CFAP44: variants seen among roughly 807,000 people sequenced by gnomAD.
CFAP44 encodes the protein cilia and flagella associated protein 44.
Under a neutral mutation model 216.2 loss-of-function variants are expected in CFAP44, and 134 were observed. The ratio of observed to expected loss-of-function variants is 0.62; its 90% CI spans 0.54 to 0.72. The LOEUF (loss-of-function observed/expected upper bound fraction) is 0.72, where lower values mean the gene tolerates loss of function less well. Among genes scored for constraint, CFAP44 ranks in the 30% least tolerant of loss-of-function variants. The pLI is 0.00. For synonymous variants in CFAP44, 700 were observed against 727.6 expected, an observed-to-expected ratio of 0.96 and a Z score of 0.61; for missense variants, 2,035 against 2,182.1, an observed-to-expected ratio of 0.93 and a Z score of 1.34.
intron 32 of CFAP44, among the ~76,000 whole-genome samples, chr3:113,300,811 T>C (rs944110570): frequency 3.3e-5 from 5 of 152,144 alleles, no homozygotes; most frequent in Admixed American, 2.6e-4. Context: ...ACTTTATACT[T>C]TCCAGTTTGG....
chr3:113,310,138 T>C (rs374192691), intron 28 of CFAP44, among the ~76,000 whole-genome samples: 1 of 152,180 alleles, frequency 6.6e-6, no homozygotes, highest in Non-Finnish European at 1.5e-5. Flanking sequence ...AGTACATTTA[T>C]TCATGCTGGC....
rs1932937551 is a variant in CFAP44, at chr3:113,366,376, T to C, written c.2445-67A>G. The C allele has an allele frequency of 2.0e-6, 3 of 1,534,678 alleles. No individual in the cohort carries two copies. In the Admixed American group the frequency reaches 5.8e-5, roughly 29 times the overall value. On this transcript the variant is annotated intron_variant, in intron 18 of 34. Transcript: ENST00000393845. ...AAAATAATGCTTAATTTCAACTTAA[T>C]TGACAAGTGGCTAAATTAATAACAA...
intron 6 of CFAP44, 143 bp from the exon 7 acceptor site, chr3:113,409,465 C>G (rs1258823058): frequency 7.1e-6 from 5 of 706,694 alleles, no homozygotes; most frequent in Non-Finnish European, 1.2e-5. Context: ...CAAAAACATT[C>G]TCCATCTTTG....
At chr3:113,370,877 C>T (rs947602771) in intron 18 of CFAP44, among the ~76,000 whole-genome samples, 4 of 152,052 alleles carry the variant, frequency 2.6e-5, no homozygotes, top group African/African-American at 9.7e-5. Context: ...ACAACTTCGG[C>T]AAAGTCTCAG....
intron 28 of CFAP44, among the ~76,000 whole-genome samples, chr3:113,317,072 G>A (rs918160117): frequency 6.6e-6 from 1 of 152,146 alleles, no homozygotes; most frequent in Non-Finnish European, 1.5e-5. Flanking sequence ...AACCCTGAAC[G>A]GGGTAACCAA....
At chr3:113,377,408 T>G (rs569309911) in intron 17 of CFAP44, among the ~76,000 whole-genome samples, 2 of 152,306 alleles carry the variant, frequency 1.3e-5, no homozygotes, top group Admixed American at 1.3e-4. Context: ...GCATGAACTC[T>G]GGAGCCAGAT....
chr3:113,405,388 T>G (rs575123858), intron 8 of CFAP44, among the ~76,000 whole-genome samples: 1 of 152,346 alleles, frequency 6.6e-6, no homozygotes, highest in East Asian at 1.9e-4. Flanking sequence ...TTCTGAGAAG[T>G]CTAGGCCCTT....
At position 113,287,245 on chromosome 3, in the gene CFAP44, C is replaced by A; in HGVS notation, c.*4312G>T. ...ACGAGCATGAGGGAACAGCAAGGGG[C>A]ACGGTATCACAGCCTGGAGACACCC... On this transcript the variant is annotated 3_prime_UTR_variant, in exon 35 of 35. Transcript: ENST00000393845. 2 of 352,978 alleles carry A rather than the reference C, an allele frequency of 5.7e-6. No homozygotes were observed. The highest frequency in any genetic ancestry group is 1.1e-5 in the Non-Finnish European group (2 of 181,386). The allele number at this position is 352,978 out of a possible 1,614,324, so 21.9% of individuals were successfully genotyped here. A position where few individuals can be genotyped will look rare whatever the true frequency, so the allele number is the denominator to read the frequency against.
At chr3:113,372,015 A>G (rs1195218229) in intron 18 of CFAP44, among the ~76,000 whole-genome samples, 1 of 152,240 alleles carries the variant, frequency 6.6e-6, no homozygotes, top group Non-Finnish European at 1.5e-5. Flanking sequence ...AATACAAATC[A>G]AAACCACAGT....
At position 113,302,725 on chromosome 3, in the gene CFAP44, C is replaced by T. The variant is rs114936422; in HGVS notation, c.5077+1191G>A. Among the ~76,000 whole-genome samples the T allele has an allele frequency of 4.9e-3, 658 of 133,348 alleles. 2 individuals are homozygous for T. Among genetic ancestry groups the T allele is most frequent in the African/African-American group, 0.017 (612 of 35,040 alleles). The allele number at this position is 133,348 out of a possible 152,430, so 87.5% of individuals were successfully genotyped here. Reference sequence around the variant, plus strand: ...GCAGTGAGCCAAGATCACGCCACCACGATAGAGGTGAGACTCCAGCCTGGG... The same window carrying T: ...GCAGTGAGCCAAGATCACGCCACCATGATAGAGGTGAGACTCCAGCCTGGG... On this transcript the variant is annotated intron_variant, in intron 32 of 34. Transcript: ENST00000393845.
At chr3:113,397,720 A>G (rs1407318495) in intron 13 of CFAP44, among the ~76,000 whole-genome samples, 4 of 152,178 alleles carry the variant, frequency 2.6e-5, no homozygotes. Flanking sequence ...GATATGGGGA[A>G]TGAAGCAGAG....
intron 15 of CFAP44, among the ~76,000 whole-genome samples, chr3:113,393,660 C>A (rs1172413415): frequency 1.3e-5 from 2 of 152,232 alleles, no homozygotes; most frequent in Admixed American, 1.3e-4. Context: ...GGACTAGAGG[C>A]ATGCACCACC....
chr3:113,316,915 A>G, intron 28 of CFAP44, among the ~76,000 whole-genome samples: 1 of 151,880 alleles, frequency 6.6e-6, no homozygotes, highest in East Asian at 1.9e-4. Flanking sequence ...ATGGCCAACT[A>G]GAAACAGCCA....
intron 4 of CFAP44, chr3:113,425,838 A>G: frequency 3.6e-6 from 1 of 280,530 alleles, no homozygotes; most frequent in Non-Finnish European, 6.7e-6. Context: ...TCTTAGAATT[A>G]CCTAATATGG....
intron 6 of CFAP44, 71 bp downstream of exon 6, chr3:113,416,448 TATGAAA>T (rs2107386323): frequency 8.4e-7 from 1 of 1,184,268 alleles, no homozygotes; most frequent in East Asian, 2.4e-5. Flanking sequence ...AACCTTGACT[TATGAAA>T]TAATGTCACA....
At chr3:113,349,247 G>T (rs968643507) in intron 22 of CFAP44, among the ~76,000 whole-genome samples, 1 of 152,146 alleles carries the variant, frequency 6.6e-6, no homozygotes, top group East Asian at 1.9e-4. Context: ...CCTGTCAGCC[G>T]ACTCCCTCGA....
At chr3:113,319,603 G>C (rs1270823693) in intron 28 of CFAP44, among the ~76,000 whole-genome samples, 1 of 152,152 alleles carries the variant, frequency 6.6e-6, no homozygotes, top group Non-Finnish European at 1.5e-5. Context: ...CGCATCTACA[G>C]AACACTCAAT....
At chr3:113,406,390 C>T (rs1418542061) in intron 8 of CFAP44, among the ~76,000 whole-genome samples, 2 of 151,982 alleles carry the variant, frequency 1.3e-5, no homozygotes, top group African/African-American at 2.4e-5. Context: ...TTTGGGAGGC[C>T]GAGGTGGGCG....
In CFAP44 at chr3:113,288,186, A is replaced by G. The variant is rs902524268; in HGVS notation, c.*3371T>C. ...GGGGGCCAGACCCTGGCTTTTAAAC[A>G]TGAAGAATTTGATAAACAGGGTCCT... On this transcript the variant is annotated 3_prime_UTR_variant, in exon 35 of 35. Transcript: ENST00000393845. The G allele has an allele frequency of 1.3e-5, 2 of 152,154 alleles. No homozygotes were observed. The highest frequency in any genetic ancestry group is 6.5e-5 in the Admixed American group (1 of 15,286). The allele number at this position is 152,154 out of a possible 1,614,324, so 9.4% of individuals were successfully genotyped here.
Sources: allele counts gnomAD v4.1 joint callset (sites outside exome capture counted in the v4.1 genomes callset), GRCh38; gene constraint gnomAD v4.1.1; transcripts MANE v1.5; gene names NCBI Gene and HGNC (gene_info 2026-07-23, HGNC 2026-07-21).